MYL6B: variants seen among roughly 807,000 people sequenced by gnomAD.
MYL6B encodes myosin alkali light chain 1 slow a.
MYL6B carries 19 observed loss-of-function variants against 24.5 expected under a neutral mutation model. That is an observed-to-expected ratio of 0.78 (90% confidence interval 0.54 to 1.14). MYL6B has a LOEUF of 1.14. Among genes scored for constraint, MYL6B ranks in the 50% most tolerant of loss-of-function variants. The pLI is 0.00. For synonymous variants in MYL6B, 90 were observed against 100.7 expected, an observed-to-expected ratio of 0.89 and a Z score of 0.64; for missense variants, 230 against 263.8, an observed-to-expected ratio of 0.87 and a Z score of 0.89.
At chr12:56,157,614 C>CG (rs1871383697) in intron 6 of MYL6B, 69 bp downstream of exon 6, 1 of 1,612,398 alleles carries the variant, frequency 6.2e-7, no homozygotes, top group African/African-American at 1.3e-5. Flanking sequence ...CGCGTGTGGG[C>CG]GGGGGCACCC....
chr12:56,157,950 T>G, exon 7 of MYL6B: 1 of 597,906 alleles, frequency 1.7e-6, no homozygotes, highest in Non-Finnish European at 3.0e-6. Context: ...GGCCACCTAT[T>G]GTTTCAAAAT....
Position 56,157,400 on chromosome 12 carries a change from A to G in MYL6B, c.521-68A>G, listed in dbSNP as rs1592257918. 6 of 1,421,756 alleles carry G rather than the reference A, an allele frequency of 4.2e-6. No homozygotes were observed. The South Asian group carries it at 5.0e-5, about 12-fold the overall frequency. 88.1% of individuals were successfully genotyped at this position (1,421,756 alleles called of 1,614,324 possible). A position where few individuals can be genotyped will look rare whatever the true frequency, so the allele number is the denominator to read the frequency against. On this transcript the variant is annotated intron_variant, in intron 5 of 6. Coordinates refer to ENST00000553066, the Ensembl canonical transcript of MYL6B. Reference sequence around the variant, plus strand: ...GCGAAACTCCGTCTCAAAAAAAAAAAGGAAAAGCGTGGCCTGGGTGAGTGA... The same window carrying G: ...GCGAAACTCCGTCTCAAAAAAAAAAGGGAAAAGCGTGGCCTGGGTGAGTGA...
chr12:56,157,456 T>A lies in MYL6B; in HGVS notation c.521-12T>A. ...GGAAAGGAGGGCCTCAGACGTTGTG[T>A]CTGGGATTCAGGAGAGAAGATGACT... On this transcript the variant is annotated splice_polypyrimidine_tract_variant and intron_variant, in intron 5 of 6. Transcript: ENST00000553066. 6.2e-7 allele frequency: 1 copy of A among 1,612,992 alleles called. No homozygotes were observed. Among genetic ancestry groups the A allele is most frequent in the Non-Finnish European group, 8.5e-7 (1 of 1,179,768 alleles).
chr12:56,157,681 G>C lies in MYL6B; in HGVS notation c.599-17G>C, dbSNP rs200010254. ...AAGGCCTGCTTCTGAAGCCCCTCTT[G>C]CCTCCTCTCTCTGCAGCCTTCTTGA... On this transcript the variant is annotated splice_polypyrimidine_tract_variant and intron_variant, in intron 6 of 6. Transcript: ENST00000553066. The C allele has an allele frequency of 3.1e-6, 5 of 1,613,054 alleles. No individual in the cohort carries two copies. The highest frequency in any genetic ancestry group is 4.2e-6 in the Non-Finnish European group (5 of 1,180,012).
At position 56,154,812 on chromosome 12, in the gene MYL6B, G is replaced by C. The variant is rs1260148370; in HGVS notation, c.175-1G>C. ...TCCCCACCTGCTTTTTTCTTCCACAGATCGAGTTTAACAAGGACCAGCTGG... is the reference window on the plus strand; with the variant it reads ...TCCCCACCTGCTTTTTTCTTCCACACATCGAGTTTAACAAGGACCAGCTGG... On this transcript the variant is annotated splice_acceptor_variant, in intron 2 of 6. Transcript: ENST00000553066. LOFTEE classifies it high-confidence loss of function. The C allele has an allele frequency of 6.2e-7, 1 of 1,612,678 alleles. No homozygotes were observed. The highest frequency in any genetic ancestry group is 1.7e-5 in the Admixed American group (1 of 59,754).
At chr12:56,157,400 A>AT in intron 5 of MYL6B, 68 bp from the exon 6 acceptor site, 7 of 1,421,722 alleles carry the variant, frequency 4.9e-6, no homozygotes, top group East Asian at 2.3e-5. Context: ...AAAAAAAAAA[A>AT]GGAAAAGCGT....
chr12:56,157,537 A>G (rs1871376284), exon 6 of MYL6B: 4 of 1,608,482 alleles, frequency 2.5e-6, no homozygotes, highest in Non-Finnish European at 3.4e-6. Flanking sequence ...GGCTGCATCA[A>G]CTACGAGGGT....
At chr12:56,156,655 A>G (rs1443689543) in intron 5 of MYL6B, among the ~76,000 whole-genome samples, 1 of 151,942 alleles carries the variant, frequency 6.6e-6, no homozygotes, top group Non-Finnish European at 1.5e-5. Context: ...TCACTCCTGT[A>G]ATCCTAGCAC....
At chr12:56,156,904 T>TA (rs1343761552) in intron 5 of MYL6B, 2 of 151,866 alleles carry the variant, frequency 1.3e-5, no homozygotes, top group Admixed American at 6.6e-5. Flanking sequence ...ATTTAAAAAT[T>TA]AGCCAGGCGT....
In MYL6B at chr12:56,157,739, G is replaced by C. The variant is rs371818155; in HGVS notation, c.*13G>C. 1 of 1,611,008 alleles carries C rather than the reference G, an allele frequency of 6.2e-7. No homozygotes were observed. Among genetic ancestry groups the C allele is most frequent in the African/African-American group, 1.3e-5 (1 of 75,040 alleles). ...CCTAAGCGTCTGAGTGCTGCAGGTAGGGCCCTCCCACCCCTTCGCCGCGCC... is the reference window on the plus strand; with the variant it reads ...CCTAAGCGTCTGAGTGCTGCAGGTACGGCCCTCCCACCCCTTCGCCGCGCC... On this transcript the variant is annotated 3_prime_UTR_variant, in exon 7 of 7. Transcript: ENST00000553066.
chr12:56,154,408 T>A (rs1871228762), intron 2 of MYL6B, among the ~76,000 whole-genome samples: 1 of 152,206 alleles, frequency 6.6e-6, no homozygotes, highest in Non-Finnish European at 1.5e-5. Flanking sequence ...AGAGAGCTGT[T>A]GCCTGCCCCT....
At chr12:56,157,359 A>G in intron 5 of MYL6B, 109 bp from the exon 6 acceptor site, 2 of 1,048,384 alleles carry the variant, frequency 1.9e-6, no homozygotes, top group Admixed American at 4.5e-5. Flanking sequence ...ACTGCACTCC[A>G]GCCTGAGCGA....
At chr12:56,157,633 C>T in intron 6 of MYL6B, 65 bp from the exon 7 acceptor site, 1 of 1,613,164 alleles carries the variant, frequency 6.2e-7, no homozygotes, top group Non-Finnish European at 8.5e-7. Flanking sequence ...CCCTGGATTA[C>T]CTAGAGTCAG....
At chr12:56,157,759 C>T (rs771028723) in exon 7 of MYL6B, 5 of 1,607,906 alleles carry the variant, frequency 3.1e-6, no homozygotes, top group Non-Finnish European at 4.2e-6. Flanking sequence ...ACCCCTTCGC[C>T]GCGCCTTACG....
At chr12:56,153,911 C>G (rs201426529) in exon 2 of MYL6B, 1 of 1,607,252 alleles carries the variant, frequency 6.2e-7, no homozygotes. Context: ...CTTTGGCCAC[C>G]GGACATCATG....
At chr12:56,157,039 C>G in intron 5 of MYL6B, 1 of 145,218 alleles carries the variant, frequency 6.9e-6, no homozygotes, top group Admixed American at 6.6e-5. Flanking sequence ...CAGAGGGAGA[C>G]CCTATCTCAA....
exon 7 of MYL6B, chr12:56,157,789 C>G: frequency 1.3e-6 from 2 of 1,580,098 alleles, no homozygotes; most frequent in East Asian, 4.5e-5. Context: ...TCCCGCCCTT[C>G]TCTCAGCCAA....
chr12:56,154,787 TC>T (rs1290251766), intron 2 of MYL6B, 25 bp from the exon 3 acceptor site: 8 of 1,609,224 alleles, frequency 5.0e-6, no homozygotes, highest in Non-Finnish European at 5.9e-6. Flanking sequence ...CTCTCATCTC[TC>T]CCCACCTGCT....
exon 2 of MYL6B, chr12:56,154,044 G>A (rs767151614): frequency 6.2e-7 from 1 of 1,614,042 alleles, no homozygotes; most frequent in Non-Finnish European, 8.5e-7. Context: ...CTGTCCCCCA[G>A]GCCCCTCAGA....
Sources: gnomAD v4.1 joint callset for allele counts (sites outside exome capture counted in the v4.1 genomes callset) on GRCh38, gnomAD v4.1.1 for gene constraint, MANE v1.5 for transcripts, NCBI Gene and HGNC (gene_info 2026-07-23, HGNC 2026-07-21) for gene names.